Variants in DGKB observed in about 807,000 individuals in gnomAD.
The protein encoded by DGKB is diacylglycerol kinase beta.
DGKB carries 67 observed loss-of-function variants against 114.3 expected under a neutral mutation model. That is an observed-to-expected ratio of 0.59 (90% CI 0.48 to 0.72). DGKB has a LOEUF of 0.72. Ranked by LOEUF, DGKB falls within the 30% of genes least tolerant of loss-of-function variation. The probability of loss-of-function intolerance (pLI) is 0.00; values close to 1 mark genes in which losing one functional copy is unlikely to be tolerated. For missense variants in DGKB, 907 were observed against 975.2 expected (o/e 0.93, Z 0.93); for synonymous variants, 398 against 323.1 (o/e 1.23, Z -2.49).
intron 1 of DGKB, among the ~76,000 whole-genome samples, chr7:14,957,319 A>G (rs1008020472): frequency 1.3e-5 from 2 of 151,992 alleles, no homozygotes; most frequent in African/African-American, 4.8e-5. Flanking sequence ...GCTTTGGTCT[A>G]TTTGAAGAGT....
intron 21 of DGKB, among the ~76,000 whole-genome samples, chr7:14,356,656 G>A (rs112893495): frequency 0.057 from 8,706 of 151,996 alleles, 832 homozygotes; most frequent in African/African-American, 0.19. Flanking sequence ...CACCACGCCC[G>A]GGCTTGCTTC....
intron 13 of DGKB, among the ~76,000 whole-genome samples, chr7:14,652,382 A>G (rs1585366182): frequency 6.6e-6 from 1 of 152,038 alleles, no homozygotes; most frequent in East Asian, 1.9e-4. Context: ...CAAACTTGAG[A>G]AAAACAAGCA....
intron 2 of DGKB, among the ~76,000 whole-genome samples, chr7:14,807,055 A>T (rs915568787): frequency 1.8e-4 from 28 of 152,168 alleles, no homozygotes; most frequent in African/African-American, 6.3e-4. Context: ...GGAGAAAAAA[A>T]AAATAAAAAG....
chr7:14,321,603 G>GAAAAAA (rs1164711723), intron 23 of DGKB, among the ~76,000 whole-genome samples: 8 of 44,490 alleles, frequency 1.8e-4, no homozygotes, highest in Non-Finnish European at 2.9e-4. Flanking sequence ...AGAGAAATAA[G>GAAAAAA]AAAAAAAAAA....
chr7:14,550,463 T>C (rs2128640680), intron 20 of DGKB, among the ~76,000 whole-genome samples: 1 of 152,296 alleles, frequency 6.6e-6, no homozygotes, highest in South Asian at 2.1e-4. Flanking sequence ...TGGAGATAAA[T>C]AACCTGTTTC....
Position 14,555,983 on chromosome 7 carries a change from C to G in DGKB, c.1770+18229G>C, listed in dbSNP as rs1307381891. On this transcript the variant is annotated intron_variant, in intron 20 of 25. Coordinates refer to ENST00000402815, the MANE Select transcript of DGKB (RefSeq NM_001350709.2). ...CTGCTCTGTCTATGGAGTAGCCATTCTTTCATTCCTTTGCTTTCTTAATAA... is the reference window on the plus strand; with the variant it reads ...CTGCTCTGTCTATGGAGTAGCCATTGTTTCATTCCTTTGCTTTCTTAATAA... 2.0e-5 allele frequency among the ~76,000 whole-genome samples: 3 copies of G among 152,292 alleles called. No individual in the cohort carries two copies. In the East Asian group the frequency reaches 5.8e-4, roughly 29 times the overall value.
chr7:14,319,783 A>G (rs1369131442), intron 23 of DGKB, among the ~76,000 whole-genome samples: 1 of 152,208 alleles, frequency 6.6e-6, no homozygotes, highest in African/African-American at 2.4e-5. Context: ...ATGTCAGGAC[A>G]TGTTCTCCAA....
At chr7:14,679,595 C>G (rs551338723) in intron 12 of DGKB, among the ~76,000 whole-genome samples, 12 of 152,014 alleles carry the variant, frequency 7.9e-5, no homozygotes, top group South Asian at 6.2e-4. Flanking sequence ...TCACGGAACC[C>G]GAATTTCAGA....
chr7:14,701,925 G>T (rs1825266757), intron 6 of DGKB, among the ~76,000 whole-genome samples, 195 bp from the exon 7 acceptor site: 1 of 152,116 alleles, frequency 6.6e-6, no homozygotes, highest in African/African-American at 2.4e-5. Flanking sequence ...ATACTGGATA[G>T]CATAAAGTCT....
At chr7:14,579,400 C>A (rs1354593879) in intron 19 of DGKB, among the ~76,000 whole-genome samples, 1 of 152,084 alleles carries the variant, frequency 6.6e-6, no homozygotes. Flanking sequence ...ACTTCTTTAA[C>A]AAATTTGAGA....
chr7:14,577,555 T>A (rs575019639), intron 19 of DGKB, among the ~76,000 whole-genome samples: 1 of 152,020 alleles, frequency 6.6e-6, no homozygotes, highest in Non-Finnish European at 1.5e-5. Context: ...GGGCGGAGCC[T>A]GCAGTGAGCT....
intron 21 of DGKB, among the ~76,000 whole-genome samples, chr7:14,420,157 A>AAT (rs1826434388): frequency 1.3e-5 from 2 of 152,042 alleles, no homozygotes; most frequent in East Asian, 3.9e-4. Context: ...TATTCTAAAC[A>AAT]ATATATATAC....
intron 5 of DGKB, among the ~76,000 whole-genome samples, chr7:14,734,732 T>A (rs2128397717): frequency 6.6e-6 from 1 of 152,372 alleles, no homozygotes; most frequent in East Asian, 1.9e-4. Flanking sequence ...GTTTGATTCT[T>A]GTTATTTTTG....
rs1554555743 is a variant in DGKB at position 14,627,953 on chromosome 7, A to ACC, written c.1167+2282_1167+2283insGG. On this transcript the variant is annotated intron_variant, in intron 14 of 25. Transcript: ENST00000402815. ...GTGAGACCTTGTCTCAAAAAAACAA[A>ACC]AAAAAAAAACAACAAAAAAAACCAG... Among the ~76,000 whole-genome samples, 3 of 37,008 alleles carry ACC rather than the reference A, an allele frequency of 8.1e-5. No individual in the cohort carries two copies. The Admixed American group carries it at 1.4e-3, about 17-fold the overall frequency. The allele number at this position is 37,008 out of a possible 152,430, so 24.3% of individuals were successfully genotyped here.
intron 23 of DGKB, among the ~76,000 whole-genome samples, chr7:14,181,199 G>C (rs1306667420): frequency 1.3e-5 from 2 of 152,162 alleles, no homozygotes; most frequent in Non-Finnish European, 2.9e-5. Context: ...CAGAGGCACA[G>C]TAGAGACCAT....
At chr7:14,642,724 C>T (rs1585281191) in intron 13 of DGKB, among the ~76,000 whole-genome samples, 1 of 152,144 alleles carries the variant, frequency 6.6e-6, no homozygotes, top group South Asian at 2.1e-4. Flanking sequence ...TGAGTTTTAA[C>T]TTAATTTTGG....
intron 2 of DGKB, among the ~76,000 whole-genome samples, chr7:14,773,539 A>T (rs1473983588): frequency 1.3e-5 from 2 of 152,154 alleles, no homozygotes; most frequent in Non-Finnish European, 1.5e-5. Flanking sequence ...AAAAGCAAAA[A>T]ATAGCATTGT....
chr7:14,557,366 A>C (rs1397380732), intron 20 of DGKB, among the ~76,000 whole-genome samples: 3 of 152,090 alleles, frequency 2.0e-5, no homozygotes, highest in Admixed American at 6.5e-5. Flanking sequence ...CTGTGTATTT[A>C]TTTCTTTCTG....
chr7:14,150,788 A>G (rs891015263), intron 25 of DGKB, among the ~76,000 whole-genome samples: 2 of 152,108 alleles, frequency 1.3e-5, no homozygotes, highest in African/African-American at 2.4e-5. Context: ...ACTGTACCTT[A>G]TGTCATTGAG....
Sources: allele counts gnomAD v4.1 joint callset (sites outside exome capture counted in the v4.1 genomes callset), GRCh38; gene constraint gnomAD v4.1.1; transcripts MANE v1.5; gene names NCBI Gene and HGNC (gene_info 2026-07-23, HGNC 2026-07-21).